ZNF385D: variants seen among roughly 807,000 people sequenced by gnomAD.
The protein encoded by ZNF385D is zinc finger protein 385D.
A neutral mutation model predicts 35.8 loss-of-function variants in ZNF385D; 15 were observed. That is an observed-to-expected ratio of 0.42 (90% CI 0.28 to 0.64). The LOEUF is 0.64. Ranked by LOEUF, ZNF385D falls within the 30% of genes least tolerant of loss-of-function variation. ZNF385D has a pLI of 0.23. For synonymous variants in ZNF385D, 212 were observed against 186.8 expected, an observed-to-expected ratio of 1.13 and a Z score of -1.10; for missense variants, 474 against 494.6, an observed-to-expected ratio of 0.96 and a Z score of 0.39.
intron 2 of ZNF385D, among the ~76,000 whole-genome samples, chr3:22,179,133 T>C (rs1695042056): frequency 6.6e-6 from 1 of 152,186 alleles, no homozygotes; most frequent in African/African-American, 2.4e-5. Flanking sequence ...AGGTCATTGG[T>C]AGCTTGATGG....
chr3:22,306,646 A>C (rs1703236713), intron 2 of ZNF385D, among the ~76,000 whole-genome samples: 1 of 152,090 alleles, frequency 6.6e-6, no homozygotes, highest in Non-Finnish European at 1.5e-5. Context: ...ATGAGAGGGA[A>C]ATACTCGCTA....
At chr3:21,956,521 C>G (rs1702298253) in intron 3 of ZNF385D, among the ~76,000 whole-genome samples, 1 of 151,916 alleles carries the variant, frequency 6.6e-6, no homozygotes, top group Admixed American at 6.6e-5. Flanking sequence ...CTTGGAAAAA[C>G]TAAATACTTT....
chr3:22,221,003 C>T (rs1339141799), intron 2 of ZNF385D, among the ~76,000 whole-genome samples: 1 of 151,932 alleles, frequency 6.6e-6, no homozygotes, highest in Non-Finnish European at 1.5e-5. Context: ...ATAAAATTTC[C>T]TTTCATCTCT....
intron 3 of ZNF385D, among the ~76,000 whole-genome samples, chr3:22,167,248 T>G (rs1261423328): frequency 1.6e-4 from 24 of 152,200 alleles, no homozygotes; most frequent in Admixed American, 1.6e-3. Flanking sequence ...CTTTGCTAAT[T>G]GGTTTTCTAC....
At position 21,665,086 on chromosome 3, in the gene ZNF385D, A is replaced by G. The variant is rs569890240; in HGVS notation, c.23-58T>C. 7.0e-5 allele frequency: 105 copies of G among 1,507,688 alleles called. No individual in the cohort carries two copies. The East Asian group carries it at 2.0e-3, about 29-fold the overall frequency. The allele number at this position is 1,507,688 out of a possible 1,614,324, so 93.4% of individuals were successfully genotyped here. ...GACACCACGCATGGAAAAAAACACC[A>G]AAGTTGCTTTTGAGACAAAAAAGGC... On this transcript the variant is annotated intron_variant, in intron 1 of 7. Transcript: ENST00000281523.
chr3:21,746,905 CA>C (rs1384059440), intron 1 of ZNF385D, among the ~76,000 whole-genome samples: 2 of 152,192 alleles, frequency 1.3e-5, no homozygotes, highest in East Asian at 3.9e-4. Context: ...CAGCTACAAC[CA>C]AAAGTGTAAG....
intron 3 of ZNF385D, among the ~76,000 whole-genome samples, chr3:21,788,926 C>A (rs577151387): frequency 6.6e-6 from 1 of 152,046 alleles, no homozygotes; most frequent in Non-Finnish European, 1.5e-5. Context: ...TGGATTAGGG[C>A]AGGAGGTCAG....
chr3:21,717,600 C>A (rs1170688882), intron 1 of ZNF385D, among the ~76,000 whole-genome samples: 1 of 152,192 alleles, frequency 6.6e-6, no homozygotes, highest in Non-Finnish European at 1.5e-5. Context: ...TAAATTGTAG[C>A]TCTCATAATT....
chr3:21,520,817 A>G (rs1707857849), intron 3 of ZNF385D, among the ~76,000 whole-genome samples: 1 of 152,212 alleles, frequency 6.6e-6, no homozygotes, highest in Non-Finnish European at 1.5e-5. Flanking sequence ...GCACATAAAA[A>G]TGTTCAGTAC....
intron 3 of ZNF385D, among the ~76,000 whole-genome samples, chr3:21,912,384 A>G (rs1700003717): frequency 6.6e-6 from 1 of 152,088 alleles, no homozygotes; most frequent in African/African-American, 2.4e-5. Flanking sequence ...TCAAGTTTTA[A>G]GAGGGTAATC....
In ZNF385D at chr3:22,314,924, A is replaced by G. The variant is rs569492243; in HGVS notation, c.106+57526T>C. ...ACAAATGGAAATGTGTAGTACTATG[A>G]TCAAGGGGAAAATGAATGGATGTGG... On this transcript the variant is annotated intron_variant, in intron 2 of 5. Transcript: ENST00000494108. Among the ~76,000 whole-genome samples the G allele has an allele frequency of 1.4e-4, 21 of 152,308 alleles. No individual in the cohort carries two copies. The South Asian group carries it at 4.4e-3, about 32-fold the overall frequency.
At chr3:22,324,066 A>G (rs928175208) in intron 2 of ZNF385D, among the ~76,000 whole-genome samples, 1 of 151,804 alleles carries the variant, frequency 6.6e-6, no homozygotes, top group African/African-American at 2.4e-5. Context: ...ACATTTGATA[A>G]AATTCCATAA....
chr3:21,579,503 T>C (rs1271202000), intron 2 of ZNF385D: 2 of 152,212 alleles, frequency 1.3e-5, no homozygotes, highest in African/African-American at 4.8e-5. Flanking sequence ...ATCCTGGTGC[T>C]ATTAAAGGGA....
At chr3:21,855,255 T>A (rs1405716543) in intron 3 of ZNF385D, among the ~76,000 whole-genome samples, 2 of 152,134 alleles carry the variant, frequency 1.3e-5, no homozygotes, top group African/African-American at 4.8e-5. Flanking sequence ...CCCTTAAGAA[T>A]TTTTTAGCTG....
At chr3:21,443,440 C>T (rs1701967430) in intron 4 of ZNF385D, 1 of 565,916 alleles carries the variant, frequency 1.8e-6, no homozygotes, top group African/African-American at 2.0e-5. Context: ...AGAACCCATC[C>T]ATATACAGGA....
chr3:21,494,526 A>AGAC (rs1346029627), intron 4 of ZNF385D, among the ~76,000 whole-genome samples: 1 of 152,178 alleles, frequency 6.6e-6, no homozygotes, highest in Non-Finnish European at 1.5e-5. Context: ...GCCTAACAGG[A>AGAC]GACAGCAAGG....
At chr3:22,261,221 A>C (rs1700612852) in intron 2 of ZNF385D, among the ~76,000 whole-genome samples, 1 of 151,948 alleles carries the variant, frequency 6.6e-6, no homozygotes. Flanking sequence ...GGGTGAGACC[A>C]GACCTCGGGA....
intron 2 of ZNF385D, among the ~76,000 whole-genome samples, chr3:22,252,003 A>T (rs1362414481): frequency 1.3e-5 from 2 of 152,100 alleles, no homozygotes; most frequent in African/African-American, 4.8e-5. Context: ...ACATTCAATA[A>T]ATGTTATTTA....
chr3:22,241,435 T>TTTCTCGTC (rs1328530123), intron 2 of ZNF385D, among the ~76,000 whole-genome samples: 1 of 151,284 alleles, frequency 6.6e-6, no homozygotes, highest in Non-Finnish European at 1.5e-5. Flanking sequence ...CCTGTATTTG[T>TTTCTCGTC]TTCTCGTCTG....
Sources: allele counts gnomAD v4.1 joint callset (sites outside exome capture counted in the v4.1 genomes callset), GRCh38; gene constraint gnomAD v4.1.1; transcripts MANE v1.5; gene names NCBI Gene and HGNC (gene_info 2026-07-23, HGNC 2026-07-21).